Variants in ANKRD16 observed in about 807,000 individuals in gnomAD.
ANKRD16 encodes the protein ankyrin repeat domain 16.
In ANKRD16, 35 loss-of-function variants were observed where a neutral mutation model predicts 37.9. The observed-to-expected ratio is 0.92, with a 90% CI of 0.71 to 1.23. ANKRD16 has a LOEUF of 1.23. ANKRD16 is among the 50% of genes most tolerant of loss of function. ANKRD16 has a pLI of 0.00. For missense variants in ANKRD16, 480 were observed against 469.9 expected, an observed-to-expected ratio of 1.02 and a Z score of -0.20; for synonymous variants, 206 against 197.2, an observed-to-expected ratio of 1.04 and a Z score of -0.37.
In ANKRD16 at chr10:5,871,816, C is replaced by A. The variant is rs1842094324; in HGVS notation, c.*33+6281G>T. Among the ~76,000 whole-genome samples, 1 of 152,202 alleles carries A rather than the reference C, an allele frequency of 6.6e-6. No individual in the cohort carries two copies. Among genetic ancestry groups the A allele is most frequent in the East Asian group, 1.9e-4 (1 of 5,194 alleles). ...GTCTGTAAACATGCCACATGCTCAT[C>A]CCCTCACTCACCCTCTCGGAGAAAA... On this transcript the variant is annotated intron_variant, in intron 7 of 7. Transcript: ENST00000380094. The surrounding 1 kb of genome is among the most constrained non-coding windows in gnomAD (Gnocchi z 4.5).
rs1215703519 is a variant in ANKRD16 at position 5,865,775 on chromosome 10, T to C, written c.*34-3084A>G. ...TGAATATGGGGAACGAGTTACTGAT[T>C]TGTTGTCCCCTGCTTGAGGAGGGAA... On this transcript the variant is annotated intron_variant, in intron 7 of 7. Transcript: ENST00000380094. This position sits in a 1 kb window ranked among gnomAD's most constrained non-coding sequence, Gnocchi z 4.7. Among the ~76,000 whole-genome samples, 1 of 152,222 alleles carries C rather than the reference T, an allele frequency of 6.6e-6. No individual in the cohort carries two copies. The highest frequency in any genetic ancestry group is 1.5e-5 in the Non-Finnish European group (1 of 68,038).
rs1413711619 is a variant in ANKRD16 at position 5,884,028 on chromosome 10, T to A, written c.628A>T (p.Met210Leu). Reference sequence around the variant, plus strand: ...ATGTGCCCACACTGGATTGCGTCCATCAAGGCGGTGACGCCACAGTTGTCT... The same window carrying A: ...ATGTGCCCACACTGGATTGCGTCCAACAAGGCGGTGACGCCACAGTTGTCT... ...YRDNCGVTAL[M>L]DAIQCGHIDV... The change falls in exon 4 of 8, where the codon ATG becomes TTG. Residue 210 changes from methionine (M) to leucine (L), a missense_variant. Coordinates refer to ENST00000380094, the MANE Select transcript of ANKRD16 (RefSeq NM_019046.3). 1 of 1,614,196 alleles carries A rather than the reference T, an allele frequency of 6.2e-7. No individual in the cohort carries two copies. Among genetic ancestry groups the A allele is most frequent in the Non-Finnish European group, 8.5e-7 (1 of 1,180,026 alleles).
rs761204232 is a variant in ANKRD16, at chr10:5,870,020, G to C, written c.*34-7329C>G. Among the ~76,000 whole-genome samples, 165 of 151,962 alleles carry C rather than the reference G, an allele frequency of 1.1e-3. No individual in the cohort carries two copies. Among genetic ancestry groups the C allele is most frequent in the Admixed American group, 1.8e-3 (27 of 15,254 alleles). ...TTTTTCAGGATCCCTAGGTTTGAAG[G>C]AATCTGCATTTTAACAAGACTCTAG... On this transcript the variant is annotated intron_variant, in intron 7 of 7. Coordinates refer to ENST00000380094, the MANE Select transcript of ANKRD16 (RefSeq NM_019046.3). The surrounding 1 kb of genome is among the most constrained non-coding windows in gnomAD (Gnocchi z 5.0).
chr10:5,883,586 C>T (rs561576253), intron 4 of ANKRD16, among the ~76,000 whole-genome samples: 195 of 152,282 alleles, frequency 1.3e-3, no homozygotes, highest in Admixed American at 2.2e-3. Context: ...TGAGCCATCA[C>T]GCCCTGCTCT....
Position 5,881,438 on chromosome 10 carries a change from T to TTATAAAAATATATATA in ANKRD16, c.850-1063_850-1062insTATATATATTTTTATA, listed in dbSNP as rs1422263395. Among the ~76,000 whole-genome samples, 225 of 50,990 alleles carry TTATAAAAATATATATA rather than the reference T, an allele frequency of 4.4e-3. 6 individuals are homozygous for TTATAAAAATATATATA. Among genetic ancestry groups the TTATAAAAATATATATA allele is most frequent in the Middle Eastern group, 0.012 (1 of 82 alleles). The allele number at this position is 50,990 out of a possible 152,430, so 33.5% of individuals were successfully genotyped here. A position where few individuals can be genotyped will look rare whatever the true frequency, so the allele number is the denominator to read the frequency against. On this transcript the variant is annotated intron_variant, in intron 5 of 7. Coordinates refer to ENST00000380094, the MANE Select transcript of ANKRD16 (RefSeq NM_019046.3). Reference sequence around the variant, plus strand: ...ATATTTTATAAAATAAAAATATTATTTATATATATATATATATATATATAT... The same window carrying TTATAAAAATATATATA: ...ATATTTTATAAAATAAAAATATTATTTATAAAAATATATATATATATATATATATATATATATATAT...
intron 7 of ANKRD16, among the ~76,000 whole-genome samples, chr10:5,872,427 C>T (rs766843064): frequency 1.4e-4 from 21 of 151,936 alleles, no homozygotes; most frequent in African/African-American, 2.4e-4. Context: ...TGCAGTGAGC[C>T]GAGATTACGC....
rs779616159 is a variant in ANKRD16 at position 5,866,952 on chromosome 10, G to C, written c.*34-4261C>G. The stretch of plus-strand genomic sequence containing the variant: ...TCAAAGAAAGAGAGGGAGAGACAAA[G>C]AGGGAGTCAGAAGGAGAGAGAAAGA... On this transcript the variant is annotated intron_variant, in intron 7 of 7. Transcript: ENST00000380094. This position sits in a 1 kb window ranked among gnomAD's most constrained non-coding sequence, Gnocchi z 4.3. 6.6e-6 allele frequency among the ~76,000 whole-genome samples: 1 copy of C among 152,122 alleles called. No individual in the cohort carries two copies. Among genetic ancestry groups the C allele is most frequent in the Admixed American group, 6.5e-5 (1 of 15,274 alleles).
At position 5,874,950 on chromosome 10, in the gene ANKRD16, T is replaced by C. The variant is rs530789372; in HGVS notation, c.*33+3147A>G. On this transcript the variant is annotated intron_variant, in intron 7 of 7. Coordinates refer to ENST00000380094, the MANE Select transcript of ANKRD16 (RefSeq NM_019046.3). This position sits in a 1 kb window ranked among gnomAD's most constrained non-coding sequence, Gnocchi z 4.7. ...GAAAGAAAAACCCAGGAGTGCATTA[T>C]TGCATGTGGCAACAGTCCAGAAGGG... 9.2e-5 allele frequency among the ~76,000 whole-genome samples: 14 copies of C among 152,210 alleles called. No homozygotes were observed. The highest frequency in any genetic ancestry group is 4.2e-4 in the South Asian group (2 of 4,818).
chr10:5,888,697 A>G (rs924911420), intron 1 of ANKRD16, among the ~76,000 whole-genome samples: 1 of 152,266 alleles, frequency 6.6e-6, no homozygotes, highest in Non-Finnish European at 1.5e-5. Flanking sequence ...GAAGTAACTT[A>G]GCTAAATGTC....
chr10:5,863,851 G>C lies in ANKRD16; in HGVS notation c.*34-1160C>G, dbSNP rs1841976366. Among the ~76,000 whole-genome samples the C allele has an allele frequency of 6.6e-6, 1 of 152,164 alleles. No individual in the cohort carries two copies. The highest frequency in any genetic ancestry group is 2.4e-5 in the African/African-American group (1 of 41,422). Reference sequence around the variant, plus strand: ...CGAGGTCCACGGCTTCATTGTTGAAGTCAGTGAGACCAAGAACGCACCAGA... The same window carrying C: ...CGAGGTCCACGGCTTCATTGTTGAACTCAGTGAGACCAAGAACGCACCAGA... On this transcript the variant is annotated intron_variant, in intron 7 of 7. Transcript: ENST00000380094. This position sits in a 1 kb window ranked among gnomAD's most constrained non-coding sequence, Gnocchi z 4.7.
chr10:5,874,142 G>T lies in ANKRD16; in HGVS notation c.*33+3955C>A, dbSNP rs1314496021. ...CTGACCTTGTGATCTGCCTGCCTCAGCCTCCCATAATACTGGGACTACAGG... is the reference window on the plus strand; with the variant it reads ...CTGACCTTGTGATCTGCCTGCCTCATCCTCCCATAATACTGGGACTACAGG... On this transcript the variant is annotated intron_variant, in intron 7 of 7. Coordinates refer to ENST00000380094, the MANE Select transcript of ANKRD16 (RefSeq NM_019046.3). This position sits in a 1 kb window ranked among gnomAD's most constrained non-coding sequence, Gnocchi z 4.7. Among the ~76,000 whole-genome samples, 1 of 152,234 alleles carries T rather than the reference G, an allele frequency of 6.6e-6. No individual in the cohort carries two copies. Among genetic ancestry groups the T allele is most frequent in the Non-Finnish European group, 1.5e-5 (1 of 68,050 alleles).
chr10:5,888,603 G>C (rs1307766090), intron 1 of ANKRD16, among the ~76,000 whole-genome samples: 1 of 152,228 alleles, frequency 6.6e-6, no homozygotes, highest in Non-Finnish European at 1.5e-5. Flanking sequence ...ACTGCACTGT[G>C]CTCTACACAC....
chr10:5,884,029 C>T lies in ANKRD16; in HGVS notation c.627G>A (p.Leu209=). ...DYRDNCGVTA[L]MDAIQCGHID... Reference sequence around the variant, plus strand: ...TGTGCCCACACTGGATTGCGTCCATCAAGGCGGTGACGCCACAGTTGTCTC... The same window carrying T: ...TGTGCCCACACTGGATTGCGTCCATTAAGGCGGTGACGCCACAGTTGTCTC... Residue 209 remains leucine, a synonymous_variant, in exon 4 of 8, where the codon TTG becomes TTA. Transcript: ENST00000380094. 1 of 1,614,204 alleles carries T rather than the reference C, an allele frequency of 6.2e-7. No individual in the cohort carries two copies. The highest frequency in any genetic ancestry group is 8.5e-7 in the Non-Finnish European group (1 of 1,180,024).
In ANKRD16 at chr10:5,863,722, C is replaced by T. The variant is rs991159253; in HGVS notation, c.*34-1031G>A. Reference sequence around the variant, plus strand: ...CAACTTTAAGAGCCATAACACTCACCGTGAGGGTCTGCGGCTTCATTCCTG... The same window carrying T: ...CAACTTTAAGAGCCATAACACTCACTGTGAGGGTCTGCGGCTTCATTCCTG... On this transcript the variant is annotated intron_variant, in intron 7 of 7. Transcript: ENST00000380094. The surrounding 1 kb of genome is among the most constrained non-coding windows in gnomAD (Gnocchi z 4.7). 2.6e-5 allele frequency among the ~76,000 whole-genome samples: 4 copies of T among 152,054 alleles called. No individual in the cohort carries two copies. In the East Asian group the frequency reaches 5.8e-4, roughly 22 times the overall value.
rs1013543175 is a variant in ANKRD16 at position 5,887,780 on chromosome 10, G to A, written c.535+67C>T. The A allele has an allele frequency of 6.7e-5, 95 of 1,417,966 alleles. 4 individuals are homozygous for A. In the Middle Eastern group the frequency reaches 1.5e-3, roughly 23 times the overall value. 87.8% of individuals were successfully genotyped at this position (1,417,966 alleles called of 1,614,324 possible). On this transcript the variant is annotated intron_variant, in intron 2 of 7. Coordinates refer to ENST00000380094, the MANE Select transcript of ANKRD16 (RefSeq NM_019046.3). ...CCTGAAGGTGACCTGAACAAGATGC[G>A]GTTGGGCAGTGCTGGGTGAAGCAGC...
At chr10:5,876,316 T>C (rs1344105126) in intron 7 of ANKRD16, among the ~76,000 whole-genome samples, 2 of 152,212 alleles carry the variant, frequency 1.3e-5, no homozygotes, top group Admixed American at 1.3e-4. Context: ...TGTAACATGC[T>C]GTGTCATCAT....
At position 5,868,374 on chromosome 10, in the gene ANKRD16, G is replaced by C. The variant is rs999810440; in HGVS notation, c.*34-5683C>G. On this transcript the variant is annotated intron_variant, in intron 7 of 7. Coordinates refer to ENST00000380094, the MANE Select transcript of ANKRD16 (RefSeq NM_019046.3). This position sits in a 1 kb window ranked among gnomAD's most constrained non-coding sequence, Gnocchi z 4.9. ...TAGAATGGTCATCACCCAATTCCCA[G>C]TAGCAGTTGGGGTGTTCCGTTTAGA... 2.0e-5 allele frequency among the ~76,000 whole-genome samples: 3 copies of C among 152,214 alleles called. No homozygotes were observed. The highest frequency in any genetic ancestry group is 4.4e-5 in the Non-Finnish European group (3 of 68,030).
chr10:5,884,453 G>A (rs1045353532), intron 3 of ANKRD16, among the ~76,000 whole-genome samples: 13 of 152,276 alleles, frequency 8.5e-5, no homozygotes, highest in African/African-American at 2.9e-4. Flanking sequence ...TGTCTGAGCT[G>A]GGCACAGTGG....
chr10:5,881,438 T>TTTTATATATA (rs1554796692), intron 5 of ANKRD16, among the ~76,000 whole-genome samples: 30 of 51,010 alleles, frequency 5.9e-4, no homozygotes, highest in African/African-American at 2.0e-3. Context: ...AAAATATTAT[T>TTTTATATATA]TATATATATA....
Sources: allele counts gnomAD v4.1 joint callset (sites outside exome capture counted in the v4.1 genomes callset), GRCh38; gene constraint gnomAD v4.1.1; non-coding constraint Gnocchi (gnomAD v3.1); transcripts MANE v1.5; gene names NCBI Gene and HGNC (gene_info 2026-07-23, HGNC 2026-07-21).